ADAMTSL1: variants seen among roughly 807,000 people sequenced by gnomAD.
The protein encoded by ADAMTSL1 is ADAMTS-like protein 1.
In ADAMTSL1, 126 loss-of-function variants were observed where a neutral mutation model predicts 201.8. That is an observed-to-expected ratio of 0.62 (90% CI 0.54 to 0.72). ADAMTSL1 has a LOEUF of 0.72. Ranked by LOEUF, ADAMTSL1 falls within the 30% of genes least tolerant of loss-of-function variation. The probability of loss-of-function intolerance (pLI) is 0.00; values close to 1 mark genes in which losing one functional copy is unlikely to be tolerated. For synonymous variants in ADAMTSL1, 1,121 were observed against 903.4 expected, an observed-to-expected ratio of 1.24 and a Z score of -4.32; for missense variants, 2,679 against 2,277.8, an observed-to-expected ratio of 1.18 and a Z score of -3.59.
intron 14 of ADAMTSL1, among the ~76,000 whole-genome samples, chr9:18,714,343 A>T (rs1832786988): frequency 6.6e-6 from 1 of 152,142 alleles, no homozygotes; most frequent in Admixed American, 6.5e-5. Flanking sequence ...CAAAATTGAT[A>T]GACCGCTAGC....
chr9:18,463,663 T>G (rs920159910), intron 2 of ADAMTSL1, among the ~76,000 whole-genome samples: 1 of 152,206 alleles, frequency 6.6e-6, no homozygotes, highest in Non-Finnish European at 1.5e-5. Context: ...TCATCCATGT[T>G]GTAACATGTG....
intron 23 of ADAMTSL1, among the ~76,000 whole-genome samples, chr9:18,878,079 C>T (rs749110081): frequency 3.9e-5 from 6 of 152,118 alleles, no homozygotes; most frequent in Non-Finnish European, 7.4e-5. Flanking sequence ...CAGGCTTCAC[C>T]CAGCTCCCAT....
At chr9:18,186,749 G>T (rs1047329175) in intron 2 of ADAMTSL1, among the ~76,000 whole-genome samples, 4 of 151,922 alleles carry the variant, frequency 2.6e-5, no homozygotes, top group African/African-American at 9.7e-5. Flanking sequence ...CTTGCATCCA[G>T]TCACTTGATC....
intron 3 of ADAMTSL1, among the ~76,000 whole-genome samples, chr9:18,566,463 G>A (rs921871838): frequency 7.2e-5 from 11 of 152,148 alleles, no homozygotes; most frequent in Admixed American, 2.0e-4. Context: ...ATAGGAAAAA[G>A]GAAAGTTGAG....
intron 26 of ADAMTSL1, among the ~76,000 whole-genome samples, chr9:18,893,058 A>T (rs1356296419): frequency 1.3e-5 from 2 of 151,780 alleles, no homozygotes; most frequent in African/African-American, 4.8e-5. Context: ...AATGCTAGCC[A>T]ATCAACATAC....
At chr9:18,007,070 A>C (rs1166621613) in intron 1 of ADAMTSL1, among the ~76,000 whole-genome samples, 1 of 152,068 alleles carries the variant, frequency 6.6e-6, no homozygotes, top group African/African-American at 2.4e-5. Flanking sequence ...CCTAAAGCTA[A>C]CTTTTTGGAG....
chr9:18,639,977 A>G (rs999697190), intron 7 of ADAMTSL1, among the ~76,000 whole-genome samples: 4 of 152,162 alleles, frequency 2.6e-5, no homozygotes, highest in Non-Finnish European at 1.5e-5. Context: ...AATCACAATA[A>G]AATAAAACAT....
At chr9:18,033,710 C>T (rs983296582) in intron 1 of ADAMTSL1, among the ~76,000 whole-genome samples, 5 of 152,032 alleles carry the variant, frequency 3.3e-5, no homozygotes, top group African/African-American at 1.2e-4. Context: ...TAGCTCTTGC[C>T]CTCACCGTCT....
intron 3 of ADAMTSL1, among the ~76,000 whole-genome samples, chr9:18,572,297 T>C (rs1222695983): frequency 6.6e-6 from 1 of 152,200 alleles, no homozygotes; most frequent in Non-Finnish European, 1.5e-5. Flanking sequence ...TAGGTAGTTT[T>C]TGTTTTATTT....
At chr9:18,888,162 C>A in intron 24 of ADAMTSL1, 119 bp downstream of exon 24, 1 of 1,035,402 alleles carries the variant, frequency 9.7e-7, no homozygotes, top group Non-Finnish European at 1.4e-6. Flanking sequence ...GCATGAAAAC[C>A]AAAGCCATGC....
At chr9:18,468,644 A>G (rs1478013792) in intron 2 of ADAMTSL1, among the ~76,000 whole-genome samples, 1 of 152,236 alleles carries the variant, frequency 6.6e-6, no homozygotes, top group Non-Finnish European at 1.5e-5. Context: ...AGAAAGTTTC[A>G]GCAATTTATT....
At chr9:17,912,868 T>C (rs544928689) in intron 1 of ADAMTSL1, among the ~76,000 whole-genome samples, 249 of 151,494 alleles carry the variant, frequency 1.6e-3, no homozygotes, top group African/African-American at 5.7e-3. Context: ...TCGTATAAGG[T>C]GTAAGGAAGG....
At chr9:18,165,214 C>T (rs542358979) in intron 2 of ADAMTSL1, among the ~76,000 whole-genome samples, 2 of 151,780 alleles carry the variant, frequency 1.3e-5, no homozygotes, top group Non-Finnish European at 2.9e-5. Flanking sequence ...GTCCCATTTG[C>T]TGTTATGCGA....
chr9:18,633,850 CT>C (rs1235926600), intron 5 of ADAMTSL1, among the ~76,000 whole-genome samples: 2 of 151,908 alleles, frequency 1.3e-5, no homozygotes, highest in Non-Finnish European at 2.9e-5. Context: ...GCATATGATT[CT>C]TTTTTCTCAT....
intron 1 of ADAMTSL1, among the ~76,000 whole-genome samples, chr9:17,929,899 T>C (rs1437452301): frequency 1.3e-5 from 2 of 152,158 alleles, no homozygotes; most frequent in Admixed American, 6.5e-5. Flanking sequence ...ATTGTACACA[T>C]GAGGCCAGGG....
intron 1 of ADAMTSL1, among the ~76,000 whole-genome samples, chr9:18,489,266 A>T (rs16936794): frequency 0.033 from 5,039 of 152,292 alleles, 217 homozygotes; most frequent in African/African-American, 0.088. Context: ...CTCCCTGTGA[A>T]AATCAAAAAC....
At chr9:18,241,261 T>G (rs576365784) in intron 2 of ADAMTSL1, among the ~76,000 whole-genome samples, 1 of 152,318 alleles carries the variant, frequency 6.6e-6, no homozygotes, top group South Asian at 2.1e-4. Flanking sequence ...ACTTGAACAC[T>G]TAGAAGCCAT....
chr9:18,804,413 C>T (rs1163623731), intron 20 of ADAMTSL1, among the ~76,000 whole-genome samples: 1 of 152,152 alleles, frequency 6.6e-6, no homozygotes, highest in Admixed American at 6.5e-5. Context: ...GGAGGCCTTG[C>T]AAGAAGGTCA....
intron 2 of ADAMTSL1, among the ~76,000 whole-genome samples, chr9:18,515,728 G>C (rs1222186098): frequency 6.6e-6 from 1 of 152,166 alleles, no homozygotes; most frequent in African/African-American, 2.4e-5. Flanking sequence ...AGCATGTCAA[G>C]ATGTAAGAGT....
Sources: allele counts gnomAD v4.1 joint callset (sites outside exome capture counted in the v4.1 genomes callset), GRCh38; gene constraint gnomAD v4.1.1; transcripts MANE v1.5; gene names NCBI Gene and HGNC (gene_info 2026-07-23, HGNC 2026-07-21).